Variants in LRRC4C observed in about 807,000 individuals in gnomAD.
LRRC4C encodes the protein leucine-rich repeat-containing protein 4C.
LRRC4C carries 5 observed loss-of-function variants against 33.6 expected under a neutral mutation model. The observed-to-expected ratio is 0.15, with a 90% CI of 0.08 to 0.31. LRRC4C has a LOEUF of 0.31. Ranked by LOEUF, LRRC4C falls within the 10% of genes least tolerant of loss-of-function variation. The pLI, the probability that LRRC4C is intolerant of heterozygous loss-of-function variation, is 1.00. For synonymous variants in LRRC4C, 329 were observed against 302.0 expected, an observed-to-expected ratio of 1.09 and a Z score of -0.93; for missense variants, 560 against 796.7, an observed-to-expected ratio of 0.70 and a Z score of 3.58.
chr11:41,153,448 G>T (rs950434245), intron 1 of LRRC4C, among the ~76,000 whole-genome samples: 1 of 152,082 alleles, frequency 6.6e-6, no homozygotes, highest in Non-Finnish European at 1.5e-5. Flanking sequence ...AACAAGGAGA[G>T]TCCCTCAATT....
At chr11:41,409,716 A>T (rs576751258) in intron 1 of LRRC4C, among the ~76,000 whole-genome samples, 2 of 152,306 alleles carry the variant, frequency 1.3e-5, no homozygotes, top group East Asian at 3.9e-4. Flanking sequence ...ATAGCAAGAA[A>T]GATAAAAAGC....
chr11:40,308,338 T>C (rs574278183), intron 4 of LRRC4C, among the ~76,000 whole-genome samples: 1 of 152,334 alleles, frequency 6.6e-6, no homozygotes, highest in Admixed American at 6.5e-5. Context: ...TTGGGAAACA[T>C]GGATTAAAGA....
At chr11:40,776,455 T>C (rs1451873314) in intron 2 of LRRC4C, among the ~76,000 whole-genome samples, 2 of 152,130 alleles carry the variant, frequency 1.3e-5, no homozygotes, top group Non-Finnish European at 2.9e-5. Context: ...TGATTTAATC[T>C]TGTGAGGTTG....
intron 2 of LRRC4C, among the ~76,000 whole-genome samples, chr11:40,857,110 T>C (rs1184429042): frequency 6.6e-6 from 1 of 152,204 alleles, no homozygotes; most frequent in East Asian, 1.9e-4. Flanking sequence ...ACCAAATTTC[T>C]CTATTTCTTT....
chr11:40,965,671 A>G (rs1044116108), intron 1 of LRRC4C, among the ~76,000 whole-genome samples: 5 of 152,142 alleles, frequency 3.3e-5, no homozygotes, highest in Admixed American at 6.6e-5. Context: ...CAAAGATCAG[A>G]TAGGTGTAGA....
chr11:40,530,778 G>T (rs1956241785), intron 3 of LRRC4C, among the ~76,000 whole-genome samples: 1 of 152,100 alleles, frequency 6.6e-6, no homozygotes, highest in Non-Finnish European at 1.5e-5. Flanking sequence ...TATGCCAAAA[G>T]AAAAGGAAGA....
chr11:41,268,645 T>C (rs1416497360), intron 1 of LRRC4C, among the ~76,000 whole-genome samples: 2 of 152,104 alleles, frequency 1.3e-5, no homozygotes, highest in African/African-American at 4.8e-5. Context: ...TAATTACCAG[T>C]AATAAAACAG....
chr11:41,120,400 C>A (rs1942361256), intron 1 of LRRC4C, among the ~76,000 whole-genome samples: 1 of 152,150 alleles, frequency 6.6e-6, no homozygotes, highest in Admixed American at 6.5e-5. Context: ...TTCTCCATCC[C>A]ATTCTATGCT....
At chr11:40,409,164 A>G (rs1950067342) in intron 3 of LRRC4C, among the ~76,000 whole-genome samples, 1 of 152,030 alleles carries the variant, frequency 6.6e-6, no homozygotes, top group South Asian at 2.1e-4. Flanking sequence ...ATTTTCTTAA[A>G]TAAATAGTTT....
At chr11:40,755,974 T>G (rs1948927869) in intron 2 of LRRC4C, among the ~76,000 whole-genome samples, 1 of 152,092 alleles carries the variant, frequency 6.6e-6, no homozygotes, top group East Asian at 1.9e-4. Context: ...AATGAAGCCA[T>G]TGTGGGGTGC....
chr11:41,118,899 CTT>C (rs1046610620), intron 1 of LRRC4C, among the ~76,000 whole-genome samples: 3 of 58,966 alleles, frequency 5.1e-5, no homozygotes, highest in Non-Finnish European at 1.6e-4. Flanking sequence ...AAAATAAATC[CTT>C]TTCTTATCTT....
chr11:40,477,457 G>A (rs1403786506), intron 3 of LRRC4C, among the ~76,000 whole-genome samples: 1 of 151,762 alleles, frequency 6.6e-6, no homozygotes, highest in Admixed American at 6.6e-5. Flanking sequence ...TCCTTAAAAG[G>A]GATGCATCAA....
At chr11:41,254,908 C>T (rs1184406610) in intron 1 of LRRC4C, among the ~76,000 whole-genome samples, 1 of 151,990 alleles carries the variant, frequency 6.6e-6, no homozygotes, top group Non-Finnish European at 1.5e-5. Flanking sequence ...CAACTGATTC[C>T]ATCACAGCCC....
intron 3 of LRRC4C, among the ~76,000 whole-genome samples, chr11:40,324,894 C>T (rs147686395): frequency 5.9e-5 from 9 of 152,234 alleles, no homozygotes; most frequent in Non-Finnish European, 1.3e-4. Flanking sequence ...AGATATTGTG[C>T]CTCAGGTTTG....
At chr11:41,005,198 C>T (rs1854656258) in intron 1 of LRRC4C, among the ~76,000 whole-genome samples, 1 of 152,090 alleles carries the variant, frequency 6.6e-6, no homozygotes, top group African/African-American at 2.4e-5. Flanking sequence ...AAATGTAATC[C>T]CCAGTGTTGG....
At chr11:40,251,354 C>T (rs1167603199) in intron 4 of LRRC4C, among the ~76,000 whole-genome samples, 1 of 151,992 alleles carries the variant, frequency 6.6e-6, no homozygotes, top group Non-Finnish European at 1.5e-5. Flanking sequence ...GTGGGTGAGG[C>T]AAAATTCACC....
chr11:40,591,501 C>T (rs1371111899), intron 3 of LRRC4C, among the ~76,000 whole-genome samples: 1 of 152,194 alleles, frequency 6.6e-6, no homozygotes, highest in Non-Finnish European at 1.5e-5. Context: ...CTTGGCTCCT[C>T]TGAATTTGTT....
intron 1 of LRRC4C, among the ~76,000 whole-genome samples, chr11:41,318,457 G>A (rs989803726): frequency 5.3e-5 from 8 of 152,052 alleles, no homozygotes; most frequent in African/African-American, 9.7e-5. Flanking sequence ...TCCAGATTTC[G>A]TCCTCAATTT....
intron 2 of LRRC4C, among the ~76,000 whole-genome samples, chr11:40,666,315 G>T (rs886376189): frequency 5.9e-5 from 9 of 151,968 alleles, no homozygotes; most frequent in Non-Finnish European, 1.2e-4. Context: ...TAGAGGGAAG[G>T]TATAAAATAT....
Sources: gnomAD v4.1 joint callset for allele counts (sites outside exome capture counted in the v4.1 genomes callset) on GRCh38, gnomAD v4.1.1 for gene constraint, MANE v1.5 for transcripts, NCBI Gene and HGNC (gene_info 2026-07-23, HGNC 2026-07-21) for gene names.